Variants in ENTREP2 observed in about 807,000 individuals in gnomAD.
ENTREP2 encodes protein ENTREP2.
chr15:29,510,905 C>G, the ENTREP2 span, among the ~76,000 whole-genome samples: 1 of 151,812 alleles, frequency 6.6e-6, no homozygotes, highest in Admixed American at 6.6e-5. Context: ...ATGGATGAAG[C>G]TGGAAACCAT....
the ENTREP2 span, among the ~76,000 whole-genome samples, chr15:29,298,151 G>A: frequency 6.6e-6 from 1 of 150,870 alleles, no homozygotes; most frequent in Non-Finnish European, 1.5e-5. Flanking sequence ...ATCCTTCTAA[G>A]TAACCTATGA....
the ENTREP2 span, among the ~76,000 whole-genome samples, chr15:29,325,135 TAAATGA>T: frequency 6.6e-6 from 1 of 152,116 alleles, no homozygotes; most frequent in East Asian, 1.9e-4. Flanking sequence ...TACTTTGAAC[TAAATGA>T]AAATGAAAAT....
At chr15:29,131,236 G>A in the ENTREP2 span, among the ~76,000 whole-genome samples, 2 of 152,040 alleles carry the variant, frequency 1.3e-5, no homozygotes, top group South Asian at 2.1e-4. Flanking sequence ...TTAGGCTGGT[G>A]GCTCAAGGCA....
the ENTREP2 span, among the ~76,000 whole-genome samples, chr15:29,283,301 C>A: frequency 6.6e-6 from 1 of 152,180 alleles, no homozygotes; most frequent in Non-Finnish European, 1.5e-5. Context: ...GTGTAGTTTG[C>A]CAGTGCAACT....
the ENTREP2 span, among the ~76,000 whole-genome samples, chr15:29,633,580 T>TCTTTTCCCTCCC: frequency 1.3e-5 from 2 of 151,908 alleles, no homozygotes; most frequent in Non-Finnish European, 1.5e-5. Context: ...AGGGAAAAGA[T>TCTTTTCCCTCCC]CAGCTTCAAT....
chr15:29,162,431 A>AC, the ENTREP2 span, among the ~76,000 whole-genome samples: 5 of 151,978 alleles, frequency 3.3e-5, no homozygotes, highest in African/African-American at 1.2e-4. Flanking sequence ...AGCCTGTCTC[A>AC]CCCACTGCCC....
chr15:29,166,506 T>C, the ENTREP2 span, among the ~76,000 whole-genome samples: 1 of 152,136 alleles, frequency 6.6e-6, no homozygotes, highest in Non-Finnish European at 1.5e-5. Flanking sequence ...CAGAAGTCAG[T>C]AGCTCTTCTA....
At chr15:29,510,601 C>A in the ENTREP2 span, among the ~76,000 whole-genome samples, 1 of 151,336 alleles carries the variant, frequency 6.6e-6, no homozygotes, top group South Asian at 2.1e-4. Flanking sequence ...GTCAGGAGAT[C>A]GAGACCATCC....
the ENTREP2 span, chr15:29,196,701 G>A: frequency 1.2e-6 from 1 of 868,352 alleles, no homozygotes; most frequent in Non-Finnish European, 1.6e-6. Flanking sequence ...AAGTAGTACA[G>A]CAAAAACAAT....
chr15:29,608,271 A>T, the ENTREP2 span, among the ~76,000 whole-genome samples: 5 of 152,128 alleles, frequency 3.3e-5, no homozygotes, highest in Non-Finnish European at 7.3e-5. Context: ...CATGTTAAGG[A>T]ATGCTTTTCA....
chr15:29,674,148 G>C, the ENTREP2 span, among the ~76,000 whole-genome samples: 1 of 126,400 alleles, frequency 7.9e-6, no homozygotes, highest in South Asian at 2.5e-4. Flanking sequence ...GGGGGGCTTT[G>C]CCAGCAGTCA....
chr15:29,248,632 T>C, the ENTREP2 span, among the ~76,000 whole-genome samples: 1 of 152,258 alleles, frequency 6.6e-6, no homozygotes, highest in Non-Finnish European at 1.5e-5. Context: ...CTTATGTATA[T>C]GCAATTATAA....
chr15:29,576,014 C>G, the ENTREP2 span, among the ~76,000 whole-genome samples: 3 of 152,100 alleles, frequency 2.0e-5, no homozygotes, highest in Non-Finnish European at 4.4e-5. Context: ...TCCAAGGGTC[C>G]CCAGATAGCC....
At chr15:29,503,197 T>C in the ENTREP2 span, among the ~76,000 whole-genome samples, 1 of 152,246 alleles carries the variant, frequency 6.6e-6, no homozygotes, top group East Asian at 1.9e-4. Flanking sequence ...AGAAACCAAA[T>C]GTTCATCAAT....
the ENTREP2 span, chr15:29,233,714 A>C: frequency 7.6e-7 from 1 of 1,320,396 alleles, no homozygotes; most frequent in South Asian, 1.2e-5. Flanking sequence ...TTGCTCATCA[A>C]GTTACATGGA....
chr15:29,223,546 G>C, the ENTREP2 span, among the ~76,000 whole-genome samples: 1 of 152,132 alleles, frequency 6.6e-6, no homozygotes, highest in Non-Finnish European at 1.5e-5. Flanking sequence ...CGTGTAACTG[G>C]ATATCAGTTT....
chr15:29,301,341 G>A, the ENTREP2 span, among the ~76,000 whole-genome samples: 2 of 152,172 alleles, frequency 1.3e-5, no homozygotes, highest in Non-Finnish European at 2.9e-5. Context: ...ATTAGATAAT[G>A]TTCAATATTT....
At chr15:29,643,115 T>C in the ENTREP2 span, among the ~76,000 whole-genome samples, 1 of 152,156 alleles carries the variant, frequency 6.6e-6, no homozygotes, top group Admixed American at 6.5e-5. Context: ...TAAGCAACAT[T>C]TTCTTAGAGA....
the ENTREP2 span, among the ~76,000 whole-genome samples, chr15:29,221,492 G>A: frequency 1.3e-5 from 2 of 152,068 alleles, no homozygotes; most frequent in Admixed American, 6.6e-5. Flanking sequence ...GAGCCACCAC[G>A]ACCGACACTT....
Sources: allele counts gnomAD v4.1 joint callset (sites outside exome capture counted in the v4.1 genomes callset), GRCh38; gene constraint gnomAD v4.1.1; transcripts MANE v1.5; gene names NCBI Gene and HGNC (gene_info 2026-07-23, HGNC 2026-07-21).